The following TMEM163 variants were observed in gnomAD, a reference collection of about 807,000 sequenced individuals.
TMEM163 encodes transmembrane protein 163.
Under a neutral mutation model 29.3 loss-of-function variants are expected in TMEM163, and 17 were observed. The observed-to-expected ratio is 0.58, with a 90% CI of 0.40 to 0.87. The LOEUF is 0.87. Among genes scored for constraint, TMEM163 ranks in the 40% least tolerant of loss-of-function variants. The probability of loss-of-function intolerance (pLI) is 0.00; values close to 1 mark genes in which losing one functional copy is unlikely to be tolerated. For synonymous variants in TMEM163, 157 were observed against 160.6 expected (o/e 0.98, Z 0.17); for missense variants, 303 against 381.5 (o/e 0.79, Z 1.71).
intron 2 of TMEM163, among the ~76,000 whole-genome samples, chr2:134,676,624 C>T (rs981398339): frequency 6.6e-6 from 1 of 152,156 alleles, no homozygotes; most frequent in African/African-American, 2.4e-5. Context: ...TCCTCTGCCC[C>T]AAAACATTCT....
chr2:134,536,641 T>C (rs1157173140), intron 4 of TMEM163, among the ~76,000 whole-genome samples: 2 of 152,072 alleles, frequency 1.3e-5, no homozygotes, highest in African/African-American at 4.8e-5. Flanking sequence ...GAAACCTCTA[T>C]CTCATAGGAT....
rs1347424064 is a variant in TMEM163 at position 134,495,101 on chromosome 2, A to AAAAGGGAGGC, written c.555+7790_555+7799dup. Reference sequence around the variant, plus strand: ...GGTGGGAATTGAACTTGGATGTGTCAAAAGGGAGGCAAAGGAAAGGATGAG... The same window carrying AAAAGGGAGGC: ...GGTGGGAATTGAACTTGGATGTGTCAAAAGGGAGGCAAAGGGAGGCAAAGGAAAGGATGAG... On this transcript the variant is annotated intron_variant, in intron 5 of 7. Transcript: ENST00000281924. Among the ~76,000 whole-genome samples the AAAAGGGAGGC allele has an allele frequency of 2.0e-5, 3 of 152,342 alleles. No individual in the cohort carries two copies. In the East Asian group the frequency reaches 5.8e-4, roughly 29 times the overall value.
intron 5 of TMEM163, among the ~76,000 whole-genome samples, chr2:134,496,552 G>T (rs150136338): frequency 6.6e-6 from 1 of 152,096 alleles, no homozygotes; most frequent in Non-Finnish European, 1.5e-5. Flanking sequence ...TGGCCACCTC[G>T]CCAGAGCCAC....
At chr2:134,537,164 A>G (rs568149213) in intron 4 of TMEM163, among the ~76,000 whole-genome samples, 1 of 152,252 alleles carries the variant, frequency 6.6e-6, no homozygotes, top group Non-Finnish European at 1.5e-5. Context: ...GGCCCTAAAT[A>G]TTGTATTCAC....
At chr2:134,510,364 G>C (rs192367403) in intron 4 of TMEM163, among the ~76,000 whole-genome samples, 1 of 152,304 alleles carries the variant, frequency 6.6e-6, no homozygotes. Flanking sequence ...GTGGTGACAG[G>C]AAGTCGCTGC....
chr2:134,622,579 C>T (rs1247593530), intron 2 of TMEM163, among the ~76,000 whole-genome samples: 1 of 152,162 alleles, frequency 6.6e-6, no homozygotes, highest in Non-Finnish European at 1.5e-5. Context: ...CTCCTAATTC[C>T]ACTTACTTAA....
chr2:134,671,471 C>T (rs534223378), intron 2 of TMEM163, among the ~76,000 whole-genome samples: 2 of 152,182 alleles, frequency 1.3e-5, no homozygotes, highest in Non-Finnish European at 2.9e-5. Flanking sequence ...TCTACAGGAA[C>T]ACTGACCTCC....
At chr2:134,511,191 C>G (rs1042943006) in intron 4 of TMEM163, among the ~76,000 whole-genome samples, 1 of 150,580 alleles carries the variant, frequency 6.6e-6, no homozygotes, top group African/African-American at 2.5e-5. Context: ...AGTACTCACA[C>G]TTCTTTCTAA....
rs919511782 is a variant in TMEM163 at position 134,626,602 on chromosome 2, C to T, written c.323-74511G>A. On this transcript the variant is annotated intron_variant, in intron 2 of 7. Transcript: ENST00000281924. ...TCTCAATATCCTTAACTTGATCCCACCTGCAAAGTTCCTTTTGCCATGAAA... is the reference window on the plus strand; with the variant it reads ...TCTCAATATCCTTAACTTGATCCCATCTGCAAAGTTCCTTTTGCCATGAAA... Among the ~76,000 whole-genome samples the T allele has an allele frequency of 1.8e-4, 27 of 152,188 alleles. 1 individual carries two copies. The highest frequency in any genetic ancestry group is 2.0e-4 in the Admixed American group (3 of 15,276).
intron 2 of TMEM163, among the ~76,000 whole-genome samples, chr2:134,624,317 C>T (rs1056325370): frequency 1.3e-5 from 2 of 152,086 alleles, no homozygotes; most frequent in Non-Finnish European, 2.9e-5. Context: ...TTTGCAGGGA[C>T]GTGGATGGAA....
intron 2 of TMEM163, among the ~76,000 whole-genome samples, chr2:134,607,221 G>A (rs879070176): frequency 8.3e-5 from 3 of 36,102 alleles, no homozygotes; most frequent in African/African-American, 4.2e-4. Flanking sequence ...CGAGAACTGT[G>A]CTGGTGAAAA....
intron 4 of TMEM163, among the ~76,000 whole-genome samples, chr2:134,527,637 T>C (rs561229003): frequency 6.6e-6 from 1 of 152,312 alleles, no homozygotes; most frequent in East Asian, 1.9e-4. Flanking sequence ...CCCGGGATCC[T>C]GAGCAAGGCT....
intron 2 of TMEM163, among the ~76,000 whole-genome samples, chr2:134,687,323 G>A (rs191365873): frequency 1.0e-3 from 159 of 152,306 alleles, no homozygotes; most frequent in African/African-American, 3.4e-3. Context: ...GTAAGAAGTA[G>A]CCATGGGAGG....
At chr2:134,598,161 T>C (rs1682132967) in intron 2 of TMEM163, among the ~76,000 whole-genome samples, 2 of 152,216 alleles carry the variant, frequency 1.3e-5, no homozygotes, top group South Asian at 4.1e-4. Flanking sequence ...CACTTACTTA[T>C]GTGCCAGAGT....
intron 2 of TMEM163, among the ~76,000 whole-genome samples, chr2:134,638,575 G>A (rs2104838108): frequency 6.6e-6 from 1 of 152,318 alleles, no homozygotes; most frequent in South Asian, 2.1e-4. Flanking sequence ...AAGAGAACCT[G>A]AATGAAGGCA....
intron 2 of TMEM163, among the ~76,000 whole-genome samples, chr2:134,649,696 A>T (rs920507777): frequency 6.6e-6 from 1 of 152,156 alleles, no homozygotes; most frequent in Non-Finnish European, 1.5e-5. Flanking sequence ...GTAAAATAAC[A>T]TAAGGTATCT....
intron 5 of TMEM163, among the ~76,000 whole-genome samples, chr2:134,490,078 C>T (rs981833642): frequency 2.0e-5 from 3 of 152,226 alleles, no homozygotes; most frequent in Admixed American, 6.5e-5. Context: ...CGAGTCTAGT[C>T]CTCCAAGAGT....
At chr2:134,536,588 G>C (rs981081041) in intron 4 of TMEM163, among the ~76,000 whole-genome samples, 1 of 152,144 alleles carries the variant, frequency 6.6e-6, no homozygotes, top group Admixed American at 6.5e-5. Flanking sequence ...CCACCACTGA[G>C]AGCCTCTAAA....
At chr2:134,548,365 C>A (rs1680836471) in intron 4 of TMEM163, among the ~76,000 whole-genome samples, 1 of 152,166 alleles carries the variant, frequency 6.6e-6, no homozygotes, top group South Asian at 2.1e-4. Context: ...TACAACACAT[C>A]TCAGTTCAGA....
Sources: gnomAD v4.1 joint callset for allele counts (sites outside exome capture counted in the v4.1 genomes callset) on GRCh38, gnomAD v4.1.1 for gene constraint, MANE v1.5 for transcripts, NCBI Gene and HGNC (gene_info 2026-07-23, HGNC 2026-07-21) for gene names.